The following FARS2 variants were observed in gnomAD, a reference collection of about 807,000 sequenced individuals.
FARS2 encodes phenylalanine--tRNA ligase, mitochondrial.
FARS2 carries 40 observed loss-of-function variants against 46.4 expected under a neutral mutation model. The observed-to-expected ratio is 0.86, with a 90% CI of 0.67 to 1.12. The LOEUF is 1.12. Among genes scored for constraint, FARS2 ranks in the 50% most tolerant of loss-of-function variants. The pLI, the probability that FARS2 is intolerant of heterozygous loss-of-function variation, is 0.00. For missense variants in FARS2, 513 were observed against 567.9 expected (o/e 0.90, Z 0.98); for synonymous variants, 234 against 214.9 (o/e 1.09, Z -0.78).
chr6:5,330,616 A>G (rs1770734269), intron 1 of FARS2, among the ~76,000 whole-genome samples: 1 of 152,176 alleles, frequency 6.6e-6, no homozygotes, highest in South Asian at 2.1e-4. Flanking sequence ...GTAGCAAATG[A>G]TTCACAAACA....
intron 1 of FARS2, among the ~76,000 whole-genome samples, chr6:5,295,974 A>G (rs1197451443): frequency 6.6e-6 from 1 of 152,058 alleles, no homozygotes; most frequent in Non-Finnish European, 1.5e-5. Flanking sequence ...CAGTGATACC[A>G]TGGAGGGCTT....
At chr6:5,626,220 G>A (rs1776023152) in intron 6 of FARS2, among the ~76,000 whole-genome samples, 1 of 152,104 alleles carries the variant, frequency 6.6e-6, no homozygotes, top group Non-Finnish European at 1.5e-5. Flanking sequence ...CAGACACGTA[G>A]GAAATGAGTT....
chr6:5,418,136 C>T (rs753341795), intron 3 of FARS2, among the ~76,000 whole-genome samples: 1 of 152,126 alleles, frequency 6.6e-6, no homozygotes, highest in Non-Finnish European at 1.5e-5. Flanking sequence ...ATATATAATA[C>T]ATATTTTAAC....
Position 5,289,336 on chromosome 6 carries a change from G to A in FARS2, c.-22+27676G>A, listed in dbSNP as rs373208328. 9.2e-5 allele frequency among the ~76,000 whole-genome samples: 14 copies of A among 152,290 alleles called. No individual in the cohort carries two copies. The South Asian group carries it at 1.4e-3, about 16-fold the overall frequency. ...GGAGGAAGGTGTCCAGGTTCTTGGC[G>A]TTTTGAACAAAGAATTAGACAAAAC... On this transcript the variant is annotated intron_variant, in intron 1 of 6. Coordinates refer to ENST00000274680, the MANE Select transcript of FARS2 (RefSeq NM_006567.5).
At chr6:5,650,900 A>C (rs1777327283) in intron 6 of FARS2, among the ~76,000 whole-genome samples, 1 of 152,192 alleles carries the variant, frequency 6.6e-6, no homozygotes, top group Admixed American at 6.5e-5. Flanking sequence ...TCCTGAGTTC[A>C]CTTTCTGATT....
intron 6 of FARS2, among the ~76,000 whole-genome samples, chr6:5,757,799 A>C (rs951585783): frequency 2.0e-5 from 3 of 152,216 alleles, no homozygotes; most frequent in African/African-American, 7.2e-5. Flanking sequence ...ATGTGGGTAC[A>C]AGGGCTCTGG....
At chr6:5,564,577 A>G (rs1772216073) in intron 5 of FARS2, among the ~76,000 whole-genome samples, 2 of 152,380 alleles carry the variant, frequency 1.3e-5, no homozygotes, top group South Asian at 4.1e-4. Flanking sequence ...CTTTTTCTCC[A>G]GTCCTCATTT....
chr6:5,591,675 G>A (rs923128053), intron 5 of FARS2, among the ~76,000 whole-genome samples: 3 of 152,080 alleles, frequency 2.0e-5, no homozygotes, highest in African/African-American at 7.2e-5. Flanking sequence ...ATTTCTTCTC[G>A]CCCCGAGGAT....
At chr6:5,581,952 C>T (rs191911888) in intron 5 of FARS2, among the ~76,000 whole-genome samples, 124 of 142,084 alleles carry the variant, frequency 8.7e-4, no homozygotes, top group African/African-American at 2.7e-3. Context: ...CGGTTAATTC[C>T]TGATGTGCTT....
At chr6:5,664,743 C>T (rs955329390) in intron 6 of FARS2, among the ~76,000 whole-genome samples, 5 of 152,192 alleles carry the variant, frequency 3.3e-5, no homozygotes, top group African/African-American at 7.2e-5. Flanking sequence ...CCAACATGGA[C>T]GCTTCCTCAG....
chr6:5,455,799 G>A (rs935259646), intron 4 of FARS2, among the ~76,000 whole-genome samples: 4 of 152,108 alleles, frequency 2.6e-5, no homozygotes, highest in African/African-American at 9.7e-5. Flanking sequence ...TTGCCCTAGA[G>A]GAATCCTTTG....
chr6:5,456,551 G>C (rs7742913), intron 4 of FARS2, among the ~76,000 whole-genome samples: 1 of 151,872 alleles, frequency 6.6e-6, no homozygotes, highest in South Asian at 2.1e-4. Flanking sequence ...GGCCAACATG[G>C]TGAAACCCCA....
At chr6:5,619,014 G>A (rs1775624823) in intron 6 of FARS2, among the ~76,000 whole-genome samples, 1 of 152,202 alleles carries the variant, frequency 6.6e-6, no homozygotes, top group Non-Finnish European at 1.5e-5. Flanking sequence ...GAATTATGGT[G>A]TTGTTTTTTG....
intron 6 of FARS2, among the ~76,000 whole-genome samples, chr6:5,636,880 C>T (rs1239840199): frequency 2.0e-5 from 3 of 152,208 alleles, no homozygotes; most frequent in Non-Finnish European, 4.4e-5. Context: ...TGAGCCACTA[C>T]GTTGACAGAA....
intron 6 of FARS2, among the ~76,000 whole-genome samples, chr6:5,763,921 A>G (rs994502533): frequency 4.6e-5 from 7 of 152,058 alleles, no homozygotes; most frequent in Admixed American, 4.6e-4. Context: ...GCTCCAGGGG[A>G]AGGAATCTCT....
intron 4 of FARS2, among the ~76,000 whole-genome samples, chr6:5,474,687 G>A (rs1304623759): frequency 1.6e-5 from 2 of 128,260 alleles, no homozygotes; most frequent in African/African-American, 3.0e-5. Context: ...TTTTGAGACA[G>A]TCTCACTCTG....
At chr6:5,701,924 C>T (rs751078646) in intron 6 of FARS2, among the ~76,000 whole-genome samples, 11 of 152,118 alleles carry the variant, frequency 7.2e-5, no homozygotes, top group Admixed American at 4.6e-4. Context: ...AAATAGATCT[C>T]GGCAGCAATA....
chr6:5,270,464 G>T (rs560107289), intron 1 of FARS2, among the ~76,000 whole-genome samples: 1 of 152,178 alleles, frequency 6.6e-6, no homozygotes, highest in African/African-American at 2.4e-5. Context: ...AGTGTGGTTC[G>T]CTAGAGCTGT....
intron 6 of FARS2, among the ~76,000 whole-genome samples, chr6:5,739,789 G>A (rs571568473): frequency 1.2e-4 from 19 of 152,246 alleles, no homozygotes; most frequent in Non-Finnish European, 2.1e-4. Context: ...GCCTAGTGCC[G>A]CCACAAGGTC....
Sources: allele counts gnomAD v4.1 joint callset (sites outside exome capture counted in the v4.1 genomes callset), GRCh38; gene constraint gnomAD v4.1.1; transcripts MANE v1.5; gene names NCBI Gene and HGNC (gene_info 2026-07-23, HGNC 2026-07-21).